MTUS2: variants seen among roughly 807,000 people sequenced by gnomAD.
The protein encoded by MTUS2 is microtubule-associated tumor suppressor candidate 2.
A neutral mutation model predicts 114.1 loss-of-function variants in MTUS2; 40 were observed. That is an observed-to-expected ratio of 0.35 (90% CI 0.27 to 0.46). The LOEUF (loss-of-function observed/expected upper bound fraction) is 0.46. MTUS2 is among the 20% of genes least tolerant of loss of function. The probability of loss-of-function intolerance (pLI) is 1.00; values close to 1 mark genes in which losing one functional copy is unlikely to be tolerated. For synonymous variants in MTUS2, 688 were observed against 672.0 expected, an observed-to-expected ratio of 1.02 and a Z score of -0.37; for missense variants, 1,679 against 1,705.4, an observed-to-expected ratio of 0.98 and a Z score of 0.27.
chr13:28,880,959 TA>T (rs1878248936), intron 2 of MTUS2, among the ~76,000 whole-genome samples: 1 of 152,226 alleles, frequency 6.6e-6, no homozygotes. Flanking sequence ...ACAGAGGACC[TA>T]GAATCACCAA....
chr13:29,073,884 C>A (rs1488244944), intron 4 of MTUS2, among the ~76,000 whole-genome samples: 1 of 151,388 alleles, frequency 6.6e-6, no homozygotes, highest in East Asian at 1.9e-4. Flanking sequence ...GGTATGTAGA[C>A]CTTTTCTCAT....
At chr13:29,307,148 C>T (rs1485101071) in intron 6 of MTUS2, 4 of 484,750 alleles carry the variant, frequency 8.3e-6, no homozygotes, top group Non-Finnish European at 1.6e-5. Context: ...CTTTCTGCCC[C>T]CTCTGCCAAC....
At chr13:29,428,473 G>A (rs952581972) in intron 8 of MTUS2, among the ~76,000 whole-genome samples, 2 of 152,248 alleles carry the variant, frequency 1.3e-5, no homozygotes, top group Non-Finnish European at 2.9e-5. Flanking sequence ...GAGGAGAGCA[G>A]GCTGTCCTTT....
At chr13:29,168,120 A>C (rs993986505) in intron 5 of MTUS2, among the ~76,000 whole-genome samples, 1 of 152,196 alleles carries the variant, frequency 6.6e-6, no homozygotes, top group South Asian at 2.1e-4. Context: ...AATCTCAGAA[A>C]ATATAGAGGA....
In MTUS2 at chr13:29,026,452, C is replaced by G. The variant is rs748162135; in HGVS notation, c.1754C>G (p.Pro585Arg). The change falls in exon 3 of 16, where the codon CCC becomes CGC. Residue 585 changes from proline (P) to arginine (R), a missense_variant. Coordinates refer to ENST00000612955, the MANE Select transcript of MTUS2 (RefSeq NM_001033602.4). ...AGTGCACGCTTGTTGAACACGTCCC[C>G]CAAAGTGCCTGACAAGAACACTTGC... The part of the protein sequence containing the change: ...TDSARLLNTS[P>R]KVPDKNTCPS... The G allele has an allele frequency of 6.2e-7, 1 of 1,613,970 alleles. No individual in the cohort carries two copies.
chr13:29,099,246 T>G (rs1334490356), intron 4 of MTUS2, among the ~76,000 whole-genome samples: 1 of 152,202 alleles, frequency 6.6e-6, no homozygotes, highest in Non-Finnish European at 1.5e-5. Context: ...TGTTTTTTGT[T>G]TTTTGTGCTT....
chr13:29,237,153 T>A (rs1896565539), intron 5 of MTUS2, among the ~76,000 whole-genome samples: 1 of 152,220 alleles, frequency 6.6e-6, no homozygotes, highest in South Asian at 2.1e-4. Context: ...AGAAATATGA[T>A]CACTGGAGGT....
At chr13:28,985,733 T>C (rs1489255639) in intron 2 of MTUS2, among the ~76,000 whole-genome samples, 1 of 152,150 alleles carries the variant, frequency 6.6e-6, no homozygotes, top group African/African-American at 2.4e-5. Context: ...GTGAGGGTAT[T>C]TTTGGATGAG....
intron 4 of MTUS2, among the ~76,000 whole-genome samples, chr13:29,043,540 C>T (rs1887468920): frequency 6.6e-6 from 1 of 151,638 alleles, no homozygotes; most frequent in Admixed American, 6.6e-5. Flanking sequence ...TGAAGTCTCC[C>T]ACTATTATTT....
intron 2 of MTUS2, among the ~76,000 whole-genome samples, chr13:28,959,592 G>T (rs1414870023): frequency 6.6e-6 from 1 of 152,138 alleles, no homozygotes; most frequent in Non-Finnish European, 1.5e-5. Context: ...TCCACTCATG[G>T]CAGAAGATGA....
At chr13:29,488,773 G>T (rs898203421) in intron 11 of MTUS2, among the ~76,000 whole-genome samples, 8 of 152,190 alleles carry the variant, frequency 5.3e-5, no homozygotes, top group African/African-American at 1.9e-4. Flanking sequence ...GTGGGTGTGC[G>T]TTAAGTCTCC....
intron 8 of MTUS2, among the ~76,000 whole-genome samples, chr13:29,433,154 C>T (rs1227172855): frequency 6.6e-6 from 1 of 152,150 alleles, no homozygotes; most frequent in Non-Finnish European, 1.5e-5. Context: ...ATTAGTAATC[C>T]AGGTATGATG....
intron 2 of MTUS2, among the ~76,000 whole-genome samples, chr13:28,896,198 A>C (rs1322232965): frequency 2.0e-5 from 3 of 152,192 alleles, no homozygotes; most frequent in African/African-American, 7.2e-5. Context: ...AGCAGTGATG[A>C]AGTGGGAGGC....
intron 4 of MTUS2, among the ~76,000 whole-genome samples, chr13:29,071,804 G>C (rs1245034902): frequency 6.6e-6 from 1 of 152,074 alleles, no homozygotes. Context: ...TTATTATTGA[G>C]TTGGATGAGC....
At chr13:28,917,337 G>A (rs779482077) in intron 2 of MTUS2, among the ~76,000 whole-genome samples, 24 of 151,866 alleles carry the variant, frequency 1.6e-4, no homozygotes, top group Admixed American at 3.9e-4. Flanking sequence ...AGTAGGATTG[G>A]CATTAGTTCT....
Position 29,200,867 on chromosome 13 carries a change from T to G in MTUS2, c.2645-80837T>G, listed in dbSNP as rs189678535. 8.5e-4 allele frequency among the ~76,000 whole-genome samples: 129 copies of G among 152,304 alleles called. 2 individuals carry two copies. The East Asian group carries it at 0.022, about 26-fold the overall frequency. ...GTTCTAATTTGATTGCACTGTGGCCTGAGAGACTGTTGGTTAGGATTTACA... is the reference window on the plus strand; with the variant it reads ...GTTCTAATTTGATTGCACTGTGGCCGGAGAGACTGTTGGTTAGGATTTACA... On this transcript the variant is annotated intron_variant, in intron 5 of 15. Coordinates refer to ENST00000612955, the MANE Select transcript of MTUS2 (RefSeq NM_001033602.4).
intron 5 of MTUS2, among the ~76,000 whole-genome samples, chr13:29,151,884 T>A (rs1892675532): frequency 6.6e-6 from 1 of 152,188 alleles, no homozygotes; most frequent in Non-Finnish European, 1.5e-5. Flanking sequence ...GAGAAAAGAC[T>A]CTTGATGGTG....
At chr13:29,205,022 G>A (rs573550315) in intron 5 of MTUS2, among the ~76,000 whole-genome samples, 9 of 152,168 alleles carry the variant, frequency 5.9e-5, no homozygotes, top group Non-Finnish European at 1.2e-4. Flanking sequence ...GAGGGGCCTA[G>A]CAGCTGCCTT....
Position 28,933,118 on chromosome 13 carries a change from A to AACACAC in MTUS2, c.-242-91299_-242-91294dup, listed in dbSNP as rs59162969. On this transcript the variant is annotated intron_variant, in intron 2 of 15. Transcript: ENST00000612955. Reference sequence around the variant, plus strand: ...TAGTGTAGGTTCTCTGGAGAATCAGAACACACACACACACACACACACACA... The same window carrying AACACAC: ...TAGTGTAGGTTCTCTGGAGAATCAGAACACACACACACACACACACACACACACACA... Among the ~76,000 whole-genome samples the AACACAC allele has an allele frequency of 3.9e-3, 566 of 145,322 alleles. 2 individuals are homozygous for AACACAC. Among genetic ancestry groups the AACACAC allele is most frequent in the African/African-American group, 0.01 (391 of 38,932 alleles).
Sources: gnomAD v4.1 joint callset for allele counts (sites outside exome capture counted in the v4.1 genomes callset) on GRCh38, gnomAD v4.1.1 for gene constraint, MANE v1.5 for transcripts, NCBI Gene and HGNC (gene_info 2026-07-23, HGNC 2026-07-21) for gene names.